RHOQ: variants seen among roughly 807,000 people sequenced by gnomAD.
The protein encoded by RHOQ is rho-related GTP-binding protein RhoQ.
RHOQ carries 7 observed loss-of-function variants against 25.8 expected under a neutral mutation model. That is an observed-to-expected ratio of 0.27 (90% confidence interval 0.15 to 0.51). The LOEUF (loss-of-function observed/expected upper bound fraction) is 0.51. Ranked by LOEUF, RHOQ falls within the 20% of genes least tolerant of loss-of-function variation. RHOQ has a pLI of 0.97. For synonymous variants in RHOQ, 97 were observed against 98.6 expected (o/e 0.98, Z 0.10); for missense variants, 165 against 260.6 (o/e 0.63, Z 2.53).
At chr2:46,573,782 T>C (rs1373947970) in intron 2 of RHOQ, among the ~76,000 whole-genome samples, 2 of 152,266 alleles carry the variant, frequency 1.3e-5, no homozygotes, top group East Asian at 1.9e-4. Context: ...GCTTGAAAAG[T>C]AAAATTTCCA....
chr2:46,563,342 C>G (rs555875568), intron 2 of RHOQ, among the ~76,000 whole-genome samples: 11 of 152,280 alleles, frequency 7.2e-5, no homozygotes, highest in Middle Eastern at 3.4e-3. Context: ...ATCTCCTAGG[C>G]TGATGGTGAA....
At chr2:46,562,978 C>A (rs1668619742) in intron 2 of RHOQ, among the ~76,000 whole-genome samples, 1 of 152,184 alleles carries the variant, frequency 6.6e-6, no homozygotes. Context: ...AAATTAGCAG[C>A]CAGCACATGT....
At chr2:46,550,956 C>A (rs1198862917) in intron 2 of RHOQ, among the ~76,000 whole-genome samples, 1 of 152,086 alleles carries the variant, frequency 6.6e-6, no homozygotes, top group Non-Finnish European at 1.5e-5. Flanking sequence ...GCTGCAGGGT[C>A]CCACACAGGA....
At chr2:46,553,694 C>A (rs909069856) in intron 2 of RHOQ, among the ~76,000 whole-genome samples, 1 of 152,026 alleles carries the variant, frequency 6.6e-6, no homozygotes, top group African/African-American at 2.4e-5. Flanking sequence ...ATTCTCCTGT[C>A]TCAGCCTCCC....
At chr2:46,554,441 C>G (rs13008088) in intron 2 of RHOQ, among the ~76,000 whole-genome samples, 47,266 of 152,066 alleles carry the variant, frequency 0.31, 7,593 homozygotes, top group Admixed American at 0.34. Context: ...TATTTCTCTC[C>G]CGCATATTAA....
rs1668750837 is a variant in RHOQ, at chr2:46,566,834, C to T, written c.202-9253C>T. Among the ~76,000 whole-genome samples the T allele has an allele frequency of 6.6e-6, 1 of 152,196 alleles. No individual in the cohort carries two copies. Among genetic ancestry groups the T allele is most frequent in the Non-Finnish European group, 1.5e-5 (1 of 68,040 alleles). ...CTCAGGTCTCAGGTTGAACATCACC[C>T]CTGCAGAGAGGTCTTTCTTGCCTGC... On this transcript the variant is annotated intron_variant, in intron 2 of 4. Transcript: ENST00000238738. This position sits in a 1 kb window ranked among gnomAD's most constrained non-coding sequence, Gnocchi z 4.2.
At chr2:46,567,884 C>A (rs542113837) in intron 2 of RHOQ, among the ~76,000 whole-genome samples, 1 of 151,820 alleles carries the variant, frequency 6.6e-6, no homozygotes, top group Non-Finnish European at 1.5e-5. Context: ...GAGCAAGACC[C>A]CTGTCTCTAC....
At chr2:46,543,935 A>G (rs951270005) in intron 2 of RHOQ, 123 bp downstream of exon 2, 19 of 738,228 alleles carry the variant, frequency 2.6e-5, no homozygotes, top group Non-Finnish European at 4.4e-5. Context: ...CTTCCCCTGG[A>G]TTAGGTCTTT....
intron 2 of RHOQ, among the ~76,000 whole-genome samples, chr2:46,574,416 G>T (rs1323665900): frequency 6.6e-6 from 1 of 150,734 alleles, no homozygotes; most frequent in East Asian, 2.0e-4. Context: ...GCACTCAATT[G>T]TACTGTTTAA....
At chr2:46,561,215 C>G (rs1041514590) in intron 2 of RHOQ, among the ~76,000 whole-genome samples, 3 of 149,320 alleles carry the variant, frequency 2.0e-5, no homozygotes, top group Non-Finnish European at 3.0e-5. Flanking sequence ...GTATATATAC[C>G]TTTGATACAG....
At chr2:46,551,779 G>T (rs1303637783) in intron 2 of RHOQ, among the ~76,000 whole-genome samples, 1 of 152,168 alleles carries the variant, frequency 6.6e-6, no homozygotes, top group East Asian at 1.9e-4. Context: ...AGACTGAGGG[G>T]CTTAAAAGTG....
chr2:46,565,774 G>C (rs1572747852), intron 2 of RHOQ, among the ~76,000 whole-genome samples: 1 of 152,208 alleles, frequency 6.6e-6, no homozygotes, highest in African/African-American at 2.4e-5. Flanking sequence ...AATAAGCTGC[G>C]ACCATGAGCC....
chr2:46,573,725 C>G (rs574785483), intron 2 of RHOQ, among the ~76,000 whole-genome samples: 1 of 152,308 alleles, frequency 6.6e-6, no homozygotes, highest in East Asian at 1.9e-4. Flanking sequence ...TGTCATCTCT[C>G]ACTAGAGAAA....
At chr2:46,563,617 T>A (rs1178282294) in intron 2 of RHOQ, among the ~76,000 whole-genome samples, 1 of 152,062 alleles carries the variant, frequency 6.6e-6, no homozygotes, top group Non-Finnish European at 1.5e-5. Context: ...TGGATGCATA[T>A]TGTGAAGAAT....
At position 46,548,546 on chromosome 2, in the gene RHOQ, T is replaced by A. The variant is rs1668143846; in HGVS notation, c.201+4734T>A. 6.6e-6 allele frequency among the ~76,000 whole-genome samples: 1 copy of A among 152,176 alleles called. No homozygotes were observed. Among genetic ancestry groups the A allele is most frequent in the Admixed American group, 6.5e-5 (1 of 15,286 alleles). ...ACAGAGATGTGATTAGGAAAAAGGTTTTCTACTTTGGAGAAGGCCTGCAGG... is the reference window on the plus strand; with the variant it reads ...ACAGAGATGTGATTAGGAAAAAGGTATTCTACTTTGGAGAAGGCCTGCAGG... On this transcript the variant is annotated intron_variant, in intron 2 of 4. Coordinates refer to ENST00000238738, the MANE Select transcript of RHOQ (RefSeq NM_012249.4). The surrounding 1 kb of genome is among the most constrained non-coding windows in gnomAD (Gnocchi z 5.2).
rs373636677 is a variant in RHOQ at position 46,558,316 on chromosome 2, G to T, written c.201+14504G>T. ...ACTGGTTTATTTCCTCACTTTGGTG[G>T]AATGTATATTTTATTAGTTTCCTGA... On this transcript the variant is annotated intron_variant, in intron 2 of 4. Transcript: ENST00000238738. 8.1e-4 allele frequency among the ~76,000 whole-genome samples: 123 copies of T among 152,296 alleles called. 3 individuals carry two copies. In the South Asian group the frequency reaches 0.024, roughly 29 times the overall value.
rs929889129 is a variant in RHOQ, at chr2:46,575,968, A to T, written c.202-119A>T. 3 of 722,508 alleles carry T rather than the reference A, an allele frequency of 4.2e-6. No individual in the cohort carries two copies. In the African/African-American group the frequency reaches 5.5e-5, roughly 13 times the overall value. 44.8% of individuals were successfully genotyped at this position (722,508 alleles called of 1,614,324 possible). A position where few individuals can be genotyped will look rare whatever the true frequency, so the allele number is the denominator to read the frequency against. ...GTTATCTGATTTTACTTAGAGTGCC[A>T]TACATTCCACTAGTGGAGTACTCCT... On this transcript the variant is annotated intron_variant, in intron 2 of 4. Transcript: ENST00000238738.
chr2:46,563,264 G>A (rs978742645), intron 2 of RHOQ, among the ~76,000 whole-genome samples: 3 of 152,124 alleles, frequency 2.0e-5, no homozygotes, highest in Admixed American at 6.5e-5. Context: ...CCACCTCTCC[G>A]TGTGACTCTG....
At chr2:46,553,366 C>T (rs1026117650) in intron 2 of RHOQ, among the ~76,000 whole-genome samples, 11 of 151,868 alleles carry the variant, frequency 7.2e-5, no homozygotes, top group East Asian at 1.9e-4. Context: ...GTATAGTAGG[C>T]GTAAACATTT....
Sources: gnomAD v4.1 joint callset for allele counts (sites outside exome capture counted in the v4.1 genomes callset) on GRCh38, gnomAD v4.1.1 for gene constraint, Gnocchi (gnomAD v3.1) non-coding constraint, MANE v1.5 for transcripts, NCBI Gene and HGNC (gene_info 2026-07-23, HGNC 2026-07-21) for gene names.